ADGRB3: variants seen among roughly 807,000 people sequenced by gnomAD.
ADGRB3 encodes adhesion G protein-coupled receptor B3.
Under a neutral mutation model 193.4 loss-of-function variants are expected in ADGRB3, and 37 were observed. The ratio of observed to expected loss-of-function variants is 0.19; its 90% confidence interval spans 0.15 to 0.25. The LOEUF (loss-of-function observed/expected upper bound fraction) is 0.25. Ranked by LOEUF, ADGRB3 falls within the 10% of genes least tolerant of loss-of-function variation. ADGRB3 has a pLI of 1.00. For synonymous variants in ADGRB3, 690 were observed against 644.2 expected, an observed-to-expected ratio of 1.07 and a Z score of -1.08; for missense variants, 1,637 against 1,852.9, an observed-to-expected ratio of 0.88 and a Z score of 2.14.
chr6:68,670,671 A>G (rs779152699), intron 3 of ADGRB3, among the ~76,000 whole-genome samples: 1 of 152,062 alleles, frequency 6.6e-6, no homozygotes, highest in Non-Finnish European at 1.5e-5. Context: ...GCCCTGTAGC[A>G]TAATTTGAAG....
At chr6:69,157,728 G>T (rs894522371) in intron 17 of ADGRB3, among the ~76,000 whole-genome samples, 1 of 151,392 alleles carries the variant, frequency 6.6e-6, no homozygotes, top group African/African-American at 2.4e-5. Context: ...ATACTCCTGA[G>T]ACAATTCCCT....
At chr6:68,725,285 T>A (rs965690506) in intron 3 of ADGRB3, among the ~76,000 whole-genome samples, 3 of 151,680 alleles carry the variant, frequency 2.0e-5, no homozygotes, top group Admixed American at 6.6e-5. Flanking sequence ...CCACATATAA[T>A]ATAGATCCCT....
At chr6:68,636,900 CCTACACT>C (rs1352243179) in intron 1 of ADGRB3, among the ~76,000 whole-genome samples, 1 of 151,058 alleles carries the variant, frequency 6.6e-6, no homozygotes, top group African/African-American at 2.4e-5. Flanking sequence ...GCTCTCAACG[CCTACACT>C]CTATCCTGAA....
chr6:69,222,772 T>C (rs948738079), intron 17 of ADGRB3, among the ~76,000 whole-genome samples: 2 of 152,200 alleles, frequency 1.3e-5, no homozygotes, highest in Non-Finnish European at 1.5e-5. Context: ...TTCAGCTGGC[T>C]TTTATTGAAC....
intron 20 of ADGRB3, among the ~76,000 whole-genome samples, chr6:69,254,970 T>A (rs978906354): frequency 1.3e-5 from 2 of 150,964 alleles, no homozygotes; most frequent in African/African-American, 4.9e-5. Context: ...TGGTTTTTTG[T>A]TCTTGCGATA....
chr6:68,999,394 A>T (rs1395089808), intron 11 of ADGRB3, among the ~76,000 whole-genome samples: 1 of 151,532 alleles, frequency 6.6e-6, no homozygotes, highest in East Asian at 1.9e-4. Context: ...CCTCCCGAGT[A>T]GCTGGGGCTA....
intron 3 of ADGRB3, among the ~76,000 whole-genome samples, chr6:68,864,898 T>C (rs1029687176): frequency 1.3e-5 from 2 of 151,558 alleles, no homozygotes; most frequent in Non-Finnish European, 2.9e-5. Context: ...GAATAGATTG[T>C]TGATTACAGC....
chr6:69,285,080 G>A (rs1160681319), intron 20 of ADGRB3, among the ~76,000 whole-genome samples: 2 of 152,092 alleles, frequency 1.3e-5, no homozygotes, highest in East Asian at 1.9e-4. Context: ...AGAATATATC[G>A]GTTCCTACTT....
At chr6:68,726,847 G>T (rs1381085664) in intron 3 of ADGRB3, among the ~76,000 whole-genome samples, 1 of 151,498 alleles carries the variant, frequency 6.6e-6, no homozygotes, top group African/African-American at 2.4e-5. Flanking sequence ...TGGAATGGAA[G>T]TCACTATATT....
intron 3 of ADGRB3, among the ~76,000 whole-genome samples, chr6:68,873,018 T>C (rs570276): frequency 0.31 from 47,564 of 151,956 alleles, 8,084 homozygotes; most frequent in East Asian, 0.59. Flanking sequence ...TTCATTAATG[T>C]AGAGTGGCTA....
At chr6:69,203,748 G>T (rs561945856) in intron 17 of ADGRB3, among the ~76,000 whole-genome samples, 1 of 151,910 alleles carries the variant, frequency 6.6e-6, no homozygotes, top group Non-Finnish European at 1.5e-5. Context: ...TGCATAATCC[G>T]CACAAACTGA....
At chr6:69,132,116 G>T (rs1011463917) in intron 17 of ADGRB3, among the ~76,000 whole-genome samples, 2 of 152,022 alleles carry the variant, frequency 1.3e-5, no homozygotes, top group African/African-American at 4.8e-5. Flanking sequence ...TAGTAGAATG[G>T]TTTATAATCC....
intron 14 of ADGRB3, 126 bp downstream of exon 14, chr6:69,048,460 A>G (rs1265637902): frequency 1.0e-6 from 1 of 1,001,168 alleles, no homozygotes; most frequent in Non-Finnish European, 1.4e-6. Flanking sequence ...ATTTTAAACT[A>G]ATTTTCTAAA....
chr6:68,841,653 A>G (rs998167033), intron 3 of ADGRB3, among the ~76,000 whole-genome samples: 3 of 152,166 alleles, frequency 2.0e-5, no homozygotes, highest in Non-Finnish European at 4.4e-5. Flanking sequence ...ACATCAAAAA[A>G]GTAGAAAAAC....
chr6:68,668,437 A>G (rs948905677), intron 3 of ADGRB3, among the ~76,000 whole-genome samples: 7 of 152,022 alleles, frequency 4.6e-5, no homozygotes, highest in Non-Finnish European at 7.4e-5. Context: ...TATCTGCTAT[A>G]ATCAGCACAA....
At position 68,766,240 on chromosome 6, in the gene ADGRB3, T is replaced by C. The variant is rs7747227; in HGVS notation, c.757+126808T>C. Among the ~76,000 whole-genome samples, 280 of 152,148 alleles carry C rather than the reference T, an allele frequency of 1.8e-3. 3 individuals are homozygous for C. Among genetic ancestry groups the C allele is most frequent in the African/African-American group, 6.5e-3 (270 of 41,576 alleles). On this transcript the variant is annotated intron_variant, in intron 3 of 31. Transcript: ENST00000370598. The stretch of plus-strand genomic sequence containing the variant: ...TTAATTCTGTTTTTCTTTTTTAGCT[T>C]ATTTCATTGAATGCTCAGATTATTT...
intron 20 of ADGRB3, among the ~76,000 whole-genome samples, chr6:69,263,504 G>T (rs1296939636): frequency 6.6e-6 from 1 of 151,960 alleles, no homozygotes; most frequent in African/African-American, 2.4e-5. Context: ...CACAGTGTTG[G>T]ACAGTATGCT....
chr6:68,853,018 A>G (rs1768437298), intron 3 of ADGRB3, among the ~76,000 whole-genome samples: 1 of 152,040 alleles, frequency 6.6e-6, no homozygotes, highest in South Asian at 2.1e-4. Context: ...CTCAGTGCAG[A>G]CTTGATCCAT....
At chr6:69,203,373 G>C (rs1358416608) in intron 17 of ADGRB3, among the ~76,000 whole-genome samples, 2 of 151,786 alleles carry the variant, frequency 1.3e-5, no homozygotes, top group African/African-American at 4.8e-5. Flanking sequence ...TTGGTTTCAG[G>C]GGCAAATAAT....
Sources: allele counts gnomAD v4.1 joint callset (sites outside exome capture counted in the v4.1 genomes callset), GRCh38; gene constraint gnomAD v4.1.1; transcripts MANE v1.5; gene names NCBI Gene and HGNC (gene_info 2026-07-23, HGNC 2026-07-21).